The following GRXCR1 variants were observed in gnomAD, a reference collection of about 807,000 sequenced individuals.
GRXCR1 encodes glutaredoxin domain-containing cysteine-rich protein 1.
A neutral mutation model predicts 27.3 loss-of-function variants in GRXCR1; 27 were observed. That is an observed-to-expected ratio of 0.99 (90% CI 0.73 to 1.37). The LOEUF (loss-of-function observed/expected upper bound fraction) is 1.37, where lower values mean the gene tolerates loss of function less well. Among genes scored for constraint, GRXCR1 ranks in the 40% most tolerant of loss-of-function variants. The probability of loss-of-function intolerance (pLI) is 0.00; values close to 1 mark genes in which losing one functional copy is unlikely to be tolerated. For missense variants in GRXCR1, 379 were observed against 354.4 expected, an observed-to-expected ratio of 1.07 and a Z score of -0.56; for synonymous variants, 122 against 131.1, an observed-to-expected ratio of 0.93 and a Z score of 0.47.
intron 1 of GRXCR1, among the ~76,000 whole-genome samples, chr4:42,944,911 A>G (rs1414044309): frequency 1.3e-5 from 2 of 152,154 alleles, no homozygotes; most frequent in East Asian, 1.9e-4. Context: ...TCTTGGTTGT[A>G]TCAGTCAGTG....
rs141566230 is a variant in GRXCR1 at position 42,998,712 on chromosome 4, T to C, written c.628-21642T>C. Among the ~76,000 whole-genome samples the C allele has an allele frequency of 2.3e-3, 349 of 152,338 alleles. 1 individual carries two copies. The highest frequency in any genetic ancestry group is 0.01 in the Middle Eastern group (3 of 294). On this transcript the variant is annotated intron_variant, in intron 2 of 3. Coordinates refer to ENST00000399770, the MANE Select transcript of GRXCR1 (RefSeq NM_001080476.3). ...CCAAACATTTCATGTGTTCTGACTT[T>C]TCCATAAGGCAGAGGGTCTTGTTTC...
At chr4:43,006,088 A>C (rs1360764908) in intron 2 of GRXCR1, among the ~76,000 whole-genome samples, 1 of 152,214 alleles carries the variant, frequency 6.6e-6, no homozygotes, top group East Asian at 1.9e-4. Flanking sequence ...TAAAGATTTC[A>C]TGGGCACTTA....
chr4:42,997,927 T>C (rs1357732919), intron 2 of GRXCR1, among the ~76,000 whole-genome samples: 1 of 152,224 alleles, frequency 6.6e-6, no homozygotes, highest in Non-Finnish European at 1.5e-5. Flanking sequence ...CTCTTTTCCA[T>C]GTCAATTGTT....
At chr4:42,939,559 T>A (rs1747558331) in intron 1 of GRXCR1, among the ~76,000 whole-genome samples, 1 of 152,094 alleles carries the variant, frequency 6.6e-6, no homozygotes, top group Non-Finnish European at 1.5e-5. Flanking sequence ...ATGGTGAATG[T>A]AGGCATCCTT....
chr4:42,949,110 C>A (rs764859087), intron 1 of GRXCR1, among the ~76,000 whole-genome samples: 21 of 152,020 alleles, frequency 1.4e-4, no homozygotes, highest in Non-Finnish European at 2.9e-4. Flanking sequence ...AATCCCAGCA[C>A]TTTGGGAGGC....
Position 42,963,152 on chromosome 4 carries a change from G to C in GRXCR1, c.627+18G>C. ...ACCTTGGGGTAAGTAAGCTGCCCAG[G>C]AAAGTCTTTTTCATAGAACCCAACC... On this transcript the variant is annotated intron_variant, in intron 2 of 3. Coordinates refer to ENST00000399770, the MANE Select transcript of GRXCR1 (RefSeq NM_001080476.3). The C allele has an allele frequency of 1.9e-6, 3 of 1,611,842 alleles. No individual in the cohort carries two copies. The highest frequency in any genetic ancestry group is 2.5e-6 in the Non-Finnish European group (3 of 1,178,324).
chr4:42,985,873 T>C (rs2109787866), intron 2 of GRXCR1, among the ~76,000 whole-genome samples: 1 of 152,330 alleles, frequency 6.6e-6, no homozygotes, highest in South Asian at 2.1e-4. Context: ...ATCTTATTCA[T>C]TTATAGCTTG....
chr4:42,969,395 A>C (rs1748328271), intron 2 of GRXCR1, among the ~76,000 whole-genome samples: 1 of 152,162 alleles, frequency 6.6e-6, no homozygotes, highest in Admixed American at 6.6e-5. Flanking sequence ...TAATTGACTC[A>C]CAGTCCTGCA....
chr4:42,914,980 T>C (rs750433166), intron 1 of GRXCR1, among the ~76,000 whole-genome samples: 6 of 152,128 alleles, frequency 3.9e-5, no homozygotes, highest in Non-Finnish European at 8.8e-5. Flanking sequence ...GTAAGTTTCC[T>C]GAGGCCTTGT....
intron 2 of GRXCR1, among the ~76,000 whole-genome samples, chr4:42,987,260 TA>T (rs1425382879): frequency 8.3e-4 from 61 of 73,232 alleles, no homozygotes; most frequent in African/African-American, 2.0e-3. Context: ...TATATATATA[TA>T]ATATATATAT....
At chr4:43,007,925 C>T (rs1443885114) in intron 2 of GRXCR1, among the ~76,000 whole-genome samples, 2 of 152,008 alleles carry the variant, frequency 1.3e-5, no homozygotes, top group Non-Finnish European at 2.9e-5. Context: ...AGCGTTTTGC[C>T]CATTTTGTTT....
intron 1 of GRXCR1, among the ~76,000 whole-genome samples, chr4:42,922,827 T>C (rs1367674499): frequency 6.6e-6 from 1 of 152,064 alleles, no homozygotes; most frequent in Non-Finnish European, 1.5e-5. Context: ...TAGAGACCAA[T>C]CTTCTTTCAT....
intron 1 of GRXCR1, among the ~76,000 whole-genome samples, chr4:42,951,545 T>C (rs1327465008): frequency 6.6e-6 from 1 of 152,198 alleles, no homozygotes; most frequent in East Asian, 1.9e-4. Flanking sequence ...GCTAAAGAGG[T>C]AGATCCCAGT....
chr4:43,026,238 T>C (rs1713254956), intron 3 of GRXCR1, among the ~76,000 whole-genome samples: 1 of 152,196 alleles, frequency 6.6e-6, no homozygotes, highest in Non-Finnish European at 1.5e-5. Context: ...AGAGCAACAC[T>C]AATATAAGAG....
At chr4:42,926,613 T>G (rs1000989662) in intron 1 of GRXCR1, among the ~76,000 whole-genome samples, 3 of 152,000 alleles carry the variant, frequency 2.0e-5, no homozygotes, top group African/African-American at 7.2e-5. Flanking sequence ...AAAACTAACG[T>G]TACACATATT....
At chr4:42,983,296 C>T (rs1318868909) in intron 2 of GRXCR1, among the ~76,000 whole-genome samples, 1 of 144,866 alleles carries the variant, frequency 6.9e-6, no homozygotes, top group African/African-American at 2.6e-5. Context: ...TTCCCAGCAC[C>T]ATTTATTAAA....
chr4:42,908,042 G>A (rs921940499), intron 1 of GRXCR1, among the ~76,000 whole-genome samples: 12 of 152,102 alleles, frequency 7.9e-5, no homozygotes, highest in Non-Finnish European at 1.0e-4. Flanking sequence ...CTTCCTACAG[G>A]GGGGTCATCT....
chr4:42,902,347 A>T (rs1195835032), intron 1 of GRXCR1, among the ~76,000 whole-genome samples: 1 of 152,218 alleles, frequency 6.6e-6, no homozygotes, highest in Non-Finnish European at 1.5e-5. Context: ...TCAGCCTCAG[A>T]GGACTCCAGG....
chr4:43,023,186 C>G (rs1373864833), intron 3 of GRXCR1, among the ~76,000 whole-genome samples: 1 of 152,050 alleles, frequency 6.6e-6, no homozygotes, highest in Admixed American at 6.5e-5. Flanking sequence ...ATGTTAGGTC[C>G]AGGGAATAGG....
Sources: gnomAD v4.1 joint callset for allele counts (sites outside exome capture counted in the v4.1 genomes callset) on GRCh38, gnomAD v4.1.1 for gene constraint, MANE v1.5 for transcripts, NCBI Gene and HGNC (gene_info 2026-07-23, HGNC 2026-07-21) for gene names.